Variants in HIPK2 observed in about 807,000 individuals in gnomAD.
HIPK2 encodes homeodomain-interacting protein kinase 2.
A neutral mutation model predicts 113.7 loss-of-function variants in HIPK2; 27 were observed. The observed-to-expected ratio is 0.24, with a 90% CI of 0.17 to 0.33. The LOEUF is 0.33. Among genes scored for constraint, HIPK2 ranks in the 10% least tolerant of loss-of-function variants. The pLI, the probability that HIPK2 is intolerant of heterozygous loss-of-function variation, is 1.00. For synonymous variants in HIPK2, 631 were observed against 642.2 expected (o/e 0.98, Z 0.26); for missense variants, 1,257 against 1,588.0 (o/e 0.79, Z 3.54).
At position 139,573,378 on chromosome 7, in the gene HIPK2, G is replaced by A. The variant is rs1253412738; in HGVS notation, c.3146C>T (p.Thr1049Met). The A allele has an allele frequency of 6.2e-6, 10 of 1,603,748 alleles. No individual in the cohort carries two copies. Among genetic ancestry groups the A allele is most frequent in the Admixed American group, 3.3e-5 (2 of 59,996 alleles). The change falls in exon 15 of 15, where the codon ACG becomes ATG. Residue 1049 changes from threonine to methionine, a missense_variant. Thr to Met is a moderately conservative substitution (Grantham distance 81). Around this residue, in one of 5 missense-constraint regions of HIPK2, gnomAD observed 862 missense variants for 1,004.3 expected, o/e 0.86. Transcript: ENST00000406875. The stretch of plus-strand genomic sequence containing the variant: ...CCTTCGGTGGCTCCCAGTGCGGTCC[G>A]TGGTGATGTGCTGCTGAGCCTGGGG... ...NLSQAQQHIT[T>M]DRTGSHRRQQ...
At position 139,576,826 on chromosome 7, in the gene HIPK2, G is replaced by C. The variant is rs557484512; in HGVS notation, c.2966-1538C>G. 1.2e-4 allele frequency among the ~76,000 whole-genome samples: 19 copies of C among 152,342 alleles called. No homozygotes were observed. In the East Asian group the frequency reaches 3.1e-3, roughly 25 times the overall value. ...AGTGTCCAGCCCAGCAGGGGCAAGA[G>C]CCCCAGAGGGCGGGAGCTCTGCTGC... is the stretch of plus-strand genomic sequence containing the variant. On this transcript the variant is annotated intron_variant, in intron 13 of 14. Coordinates refer to ENST00000406875, the MANE Select transcript of HIPK2 (RefSeq NM_022740.5).
At chr7:139,762,521 G>A (rs1796483263) in intron 1 of HIPK2, among the ~76,000 whole-genome samples, 1 of 152,196 alleles carries the variant, frequency 6.6e-6, no homozygotes, top group South Asian at 2.1e-4. Context: ...TGTTCGCAGA[G>A]TGTCTGTCTC....
intron 13 of HIPK2, among the ~76,000 whole-genome samples, chr7:139,578,177 T>G (rs1007169690): frequency 6.6e-6 from 1 of 151,916 alleles, no homozygotes; most frequent in Non-Finnish European, 1.5e-5. Flanking sequence ...ACCCAGCTAA[T>G]TTTTGTATTT....
At chr7:139,626,165 C>T (rs1038342933) in intron 6 of HIPK2, among the ~76,000 whole-genome samples, 16 of 151,090 alleles carry the variant, frequency 1.1e-4, no homozygotes, top group African/African-American at 3.7e-4. Flanking sequence ...TGCAATGGCG[C>T]GATCTCGGCT....
intron 2 of HIPK2, among the ~76,000 whole-genome samples, chr7:139,699,191 G>A (rs1794641476): frequency 1.3e-5 from 2 of 151,998 alleles, no homozygotes; most frequent in African/African-American, 4.8e-5. Flanking sequence ...CACCAGCCTG[G>A]GGCAGTATCT....
Position 139,716,009 on chromosome 7 carries a change from G to A in HIPK2, c.1026C>T (p.Val342=). 1 of 1,614,152 alleles carries A rather than the reference G, an allele frequency of 6.2e-7. No homozygotes were observed. Among genetic ancestry groups the A allele is most frequent in the Non-Finnish European group, 8.5e-7 (1 of 1,180,022 alleles). Residue 342 remains valine (V), a synonymous_variant, in exon 2 of 15, where the codon GTC becomes GTT. Transcript: ENST00000406875. The surrounding 1 kb of genome is among the most constrained non-coding windows in gnomAD (Gnocchi z 9.3). ...LVDPSRQPYR[V]KVIDFGSASH... ...TGGCTGAACCAAAGTCGATGACCTTGACTCTGTATGGTTGTCTAGATGGAT... is the reference window on the plus strand; with the variant it reads ...TGGCTGAACCAAAGTCGATGACCTTAACTCTGTATGGTTGTCTAGATGGAT...
chr7:139,639,940 G>A (rs898316979), intron 2 of HIPK2, among the ~76,000 whole-genome samples: 4 of 152,008 alleles, frequency 2.6e-5, no homozygotes, highest in African/African-American at 9.7e-5. Context: ...TTCCACAGGG[G>A]CTGTTCCTGT....
chr7:139,632,719 G>T (rs886327269), intron 2 of HIPK2, among the ~76,000 whole-genome samples: 1 of 152,142 alleles, frequency 6.6e-6, no homozygotes, highest in East Asian at 1.9e-4. Flanking sequence ...TTAGGTAGGG[G>T]TATGTTTTGG....
intron 2 of HIPK2, among the ~76,000 whole-genome samples, chr7:139,679,995 C>T (rs997658040): frequency 2.0e-4 from 30 of 152,106 alleles, no homozygotes; most frequent in African/African-American, 9.6e-5. Context: ...GAGCAAAGTT[C>T]GCTGCAAATG....
intron 12 of HIPK2, among the ~76,000 whole-genome samples, chr7:139,591,157 A>T (rs1028420491): frequency 6.6e-6 from 1 of 152,082 alleles, no homozygotes; most frequent in Non-Finnish European, 1.5e-5. Flanking sequence ...CCTCCTTTCA[A>T]ATTGTATTAT....
At chr7:139,640,585 C>T (rs1223689314) in intron 2 of HIPK2, among the ~76,000 whole-genome samples, 2 of 152,204 alleles carry the variant, frequency 1.3e-5, no homozygotes, top group East Asian at 1.9e-4. Flanking sequence ...AATACTAAAC[C>T]ACTTATCTAT....
chr7:139,644,520 A>C (rs1801141032), intron 2 of HIPK2, among the ~76,000 whole-genome samples: 1 of 152,256 alleles, frequency 6.6e-6, no homozygotes, highest in South Asian at 2.1e-4. Flanking sequence ...GGGAATCCCA[A>C]CACAGTGGCT....
At chr7:139,629,837 A>G (rs1800551075) in intron 4 of HIPK2, among the ~76,000 whole-genome samples, 1 of 151,414 alleles carries the variant, frequency 6.6e-6, no homozygotes, top group Admixed American at 6.6e-5. Context: ...ACACAACAGC[A>G]AACTCCAGCC....
At chr7:139,699,307 TG>T (rs1794645171) in intron 2 of HIPK2, among the ~76,000 whole-genome samples, 1 of 152,124 alleles carries the variant, frequency 6.6e-6, no homozygotes, top group African/African-American at 2.4e-5. Context: ...TCAATTTCTA[TG>T]GCAAAACAAA....
intron 2 of HIPK2, among the ~76,000 whole-genome samples, chr7:139,676,724 G>GGT (rs1802506906): frequency 6.6e-6 from 1 of 152,038 alleles, no homozygotes; most frequent in Non-Finnish European, 1.5e-5. Flanking sequence ...GTGCTCAGAA[G>GGT]GTACCCCACA....
chr7:139,700,492 C>T (rs1216344844), intron 2 of HIPK2, among the ~76,000 whole-genome samples: 4 of 152,240 alleles, frequency 2.6e-5, no homozygotes. Context: ...TGCTTCAATA[C>T]AAACTCTTAT....
rs771816410 is a variant in HIPK2 at position 139,716,886 on chromosome 7, A to G, written c.149T>C (p.Val50Ala). The G allele has an allele frequency of 8.7e-6, 14 of 1,613,558 alleles. No homozygotes were observed. Among genetic ancestry groups the G allele is most frequent in the Non-Finnish European group, 1.2e-5 (14 of 1,179,798 alleles). ...DMTGYGSHSK[V>A]YSQSKNIPLS... Reference sequence around the variant, plus strand: ...GGGGATGTTCTTGCTCTGGCTATACACTTTGCTGTGGGAGCCGTACCCAGT... The same window carrying G: ...GGGGATGTTCTTGCTCTGGCTATACGCTTTGCTGTGGGAGCCGTACCCAGT... The change falls in exon 2 of 15, where the codon GTG becomes GCG. Residue 50 changes from valine to alanine, a missense_variant. Transcript: ENST00000406875. The surrounding 1 kb of genome is among the most constrained non-coding windows in gnomAD (Gnocchi z 9.3).
chr7:139,572,609 CTTT>C lies in HIPK2; in HGVS notation c.*315_*317del, dbSNP rs201129542. 15 of 225,496 alleles carry C rather than the reference CTTT, an allele frequency of 6.7e-5. No homozygotes were observed. Among genetic ancestry groups the C allele is most frequent in the Admixed American group, 2.2e-4 (4 of 18,014 alleles). The allele number at this position is 225,496 out of a possible 1,614,324, so 14.0% of individuals were successfully genotyped here. ...CTTGAGCTGGGTTTTTTGTTATTGA[CTTT>C]TTTTTTTTCCTTTTTCTTTTTTAAA... On this transcript the variant is annotated 3_prime_UTR_variant, in exon 15 of 15. Transcript: ENST00000406875.
At chr7:139,638,206 C>T (rs1391299406) in intron 2 of HIPK2, among the ~76,000 whole-genome samples, 1 of 152,196 alleles carries the variant, frequency 6.6e-6, no homozygotes, top group Non-Finnish European at 1.5e-5. Context: ...CTCACTACAG[C>T]CACCTGCTGC....
Sources: allele counts gnomAD v4.1 joint callset (sites outside exome capture counted in the v4.1 genomes callset), GRCh38; gene constraint gnomAD v4.1.1; regional missense constraint gnomAD v4.1.1; non-coding constraint Gnocchi (gnomAD v3.1); transcripts MANE v1.5; gene names NCBI Gene and HGNC (gene_info 2026-07-23, HGNC 2026-07-21).